Variants in UBE3A observed in about 807,000 individuals in gnomAD.
The protein encoded by UBE3A is ubiquitin protein ligase E3A.
UBE3A carries 6 observed loss-of-function variants against 83.4 expected under a neutral mutation model. The observed-to-expected ratio is 0.07, with a 90% CI of 0.04 to 0.14. UBE3A has a LOEUF of 0.14. Ranked by LOEUF, UBE3A falls within the 10% of genes least tolerant of loss-of-function variation. The pLI is 1.00. For synonymous variants in UBE3A, 337 were observed against 355.4 expected (o/e 0.95, Z 0.58); for missense variants, 456 against 1,036.1 (o/e 0.44, Z 7.69).
At chr15:25,366,797 A>C (rs1444825446) in intron 6 of UBE3A, among the ~76,000 whole-genome samples, 2 of 151,932 alleles carry the variant, frequency 1.3e-5, no homozygotes, top group Non-Finnish European at 2.9e-5. Flanking sequence ...ACACACCCCC[A>C]CCTGAGCTGA....
At chr15:25,406,856 G>GAAAAAAAAAAA (rs11413336) in intron 3 of UBE3A, among the ~76,000 whole-genome samples, 1 of 114,684 alleles carries the variant, frequency 8.7e-6, no homozygotes, top group Non-Finnish European at 1.7e-5. Context: ...AATGGAAAAG[G>GAAAAAAAAAAA]AAAAAAAAAA....
intron 4 of UBE3A, among the ~76,000 whole-genome samples, chr15:25,398,980 A>C (rs1395727637): frequency 1.3e-5 from 2 of 151,204 alleles, no homozygotes; most frequent in Admixed American, 1.3e-4. Context: ...TTTAATAGCC[A>C]TTCTAATGGC....
intron 5 of UBE3A, among the ~76,000 whole-genome samples, chr15:25,372,297 TG>T (rs2080428989): frequency 6.6e-6 from 1 of 152,186 alleles, no homozygotes; most frequent in Non-Finnish European, 1.5e-5. Flanking sequence ...TCAGCATCTA[TG>T]TATGTATTAA....
intron 3 of UBE3A, chr15:25,407,097 C>G (rs1250926625): frequency 7.4e-7 from 1 of 1,350,590 alleles, no homozygotes; most frequent in African/African-American, 1.5e-5. Context: ...GGGTAAGTAC[C>G]CCAAGATTGC....
At chr15:25,431,822 T>C (rs1275482998) in intron 1 of UBE3A, among the ~76,000 whole-genome samples, 1 of 152,166 alleles carries the variant, frequency 6.6e-6, no homozygotes, top group Non-Finnish European at 1.5e-5. Flanking sequence ...CTTAAAATAT[T>C]TAGCAAAGAT....
chr15:25,339,379 TTAATGCAAATCA>T, intron 12 of UBE3A, 122 bp from the exon 13 acceptor site: 1 of 1,239,362 alleles, frequency 8.1e-7, no homozygotes, highest in South Asian at 1.5e-5. Flanking sequence ...AAACTATACA[TTAATGCAAATCA>T]TAAACTTTTT....
intron 1 of UBE3A, among the ~76,000 whole-genome samples, chr15:25,426,844 G>A (rs1891461487): frequency 1.3e-5 from 2 of 150,854 alleles, no homozygotes; most frequent in Admixed American, 1.3e-4. Flanking sequence ...TTTTTTTAAG[G>A]GACAGGGTCT....
intron 11 of UBE3A, among the ~76,000 whole-genome samples, chr15:25,344,731 G>A (rs1179479947): frequency 6.6e-6 from 1 of 152,076 alleles, no homozygotes; most frequent in Non-Finnish European, 1.5e-5. Flanking sequence ...TGCCTTTTCT[G>A]TAGAACTGTT....
intron 11 of UBE3A, among the ~76,000 whole-genome samples, chr15:25,341,034 C>T (rs539392450): frequency 1.4e-4 from 21 of 152,174 alleles, no homozygotes; most frequent in African/African-American, 5.1e-4. Flanking sequence ...AATAATCAGG[C>T]ATCTATAAAA....
intron 11 of UBE3A, among the ~76,000 whole-genome samples, chr15:25,347,994 G>A (rs2075962871): frequency 6.6e-6 from 1 of 151,828 alleles, no homozygotes; most frequent in South Asian, 2.1e-4. Context: ...CAGCAACACA[G>A]GATGAAAGTA....
chr15:25,350,322 C>G (rs1473974757), intron 11 of UBE3A, among the ~76,000 whole-genome samples: 3 of 150,782 alleles, frequency 2.0e-5, no homozygotes, highest in Admixed American at 2.0e-4. Context: ...ACCAACGAAC[C>G]AACCAACCAA....
chr15:25,384,245 G>A (rs1290353140), intron 4 of UBE3A, among the ~76,000 whole-genome samples: 1 of 152,058 alleles, frequency 6.6e-6, no homozygotes, highest in Non-Finnish European at 1.5e-5. Flanking sequence ...TGATCACGAG[G>A]TCAAGAGATT....
intron 11 of UBE3A, among the ~76,000 whole-genome samples, chr15:25,349,405 CCT>C (rs773043128): frequency 2.0e-5 from 3 of 151,992 alleles, no homozygotes; most frequent in Non-Finnish European, 4.4e-5. Flanking sequence ...ATAAATTAGA[CCT>C]CAAAAAATGA....
intron 4 of UBE3A, among the ~76,000 whole-genome samples, chr15:25,383,527 C>T (rs2082566442): frequency 6.6e-6 from 1 of 152,008 alleles, no homozygotes; most frequent in Non-Finnish European, 1.5e-5. Context: ...ATTCCAGCTA[C>T]TCGGGAGGCT....
chr15:25,398,816 A>ATATATATATAAATAT, intron 4 of UBE3A, among the ~76,000 whole-genome samples: 1 of 40,834 alleles, frequency 2.4e-5, no homozygotes, highest in South Asian at 1.3e-3. Flanking sequence ...TATATATATA[A>ATATATATATAAATAT]AAATACATAT....
In UBE3A at chr15:25,356,019, T is replaced by G. The variant is rs2077170515; in HGVS notation, c.1997A>C (p.Glu666Ala). The G allele has an allele frequency of 6.2e-7, 1 of 1,613,816 alleles. No homozygotes were observed. The highest frequency in any genetic ancestry group is 1.3e-5 in the African/African-American group (1 of 75,020). The change falls in exon 9 of 13, where the codon GAA (glutamate) becomes GCA (alanine). Residue 666 changes from glutamate (E) to alanine (A), a missense_variant. By Grantham distance (107) the Glu-to-Ala change is moderately radical (BLOSUM62 -1). This residue lies in a region of UBE3A where 82 missense variants were observed against 199.3 expected (regional missense o/e 0.41). Coordinates refer to ENST00000648336, the MANE Select transcript of UBE3A (RefSeq NM_130839.5). ...YQSLKDLLEY[E>A]GNVEDDMMIT... ...CATCATGTCATCTTCCACATTCCCT[T>G]CATACTCCAATAAATCTTTTAAACT...
intron 11 of UBE3A, among the ~76,000 whole-genome samples, chr15:25,347,632 C>T (rs575871915): frequency 3.6e-4 from 55 of 152,112 alleles, no homozygotes; most frequent in African/African-American, 1.2e-3. Context: ...CCTGGGAAGC[C>T]GATGTTGCAG....
chr15:25,384,005 A>G (rs2082645575), intron 4 of UBE3A, among the ~76,000 whole-genome samples: 1 of 152,230 alleles, frequency 6.6e-6, no homozygotes, highest in Admixed American at 6.5e-5. Flanking sequence ...GTTACAGGAT[A>G]TAAAAACCAA....
chr15:25,351,931 C>T (rs2076569279), intron 11 of UBE3A, among the ~76,000 whole-genome samples: 4 of 152,080 alleles, frequency 2.6e-5, no homozygotes, highest in East Asian at 1.9e-4. Flanking sequence ...TGGTGGCTCA[C>T]GCCTGTAATC....
Sources: allele counts gnomAD v4.1 joint callset (sites outside exome capture counted in the v4.1 genomes callset), GRCh38; gene constraint gnomAD v4.1.1; regional missense constraint gnomAD v4.1.1; transcripts MANE v1.5; gene names NCBI Gene and HGNC (gene_info 2026-07-23, HGNC 2026-07-21).